The following ANAPC1 variants were observed in gnomAD, a reference collection of about 807,000 sequenced individuals.
ANAPC1 encodes the protein anaphase promoting complex subunit 1.
A neutral mutation model predicts 208.0 loss-of-function variants in ANAPC1; 36 were observed. The ratio of observed to expected loss-of-function variants is 0.17; its 90% CI spans 0.13 to 0.23. ANAPC1 has a LOEUF of 0.23. Among genes scored for constraint, ANAPC1 ranks in the 10% least tolerant of loss-of-function variants. ANAPC1 has a pLI of 1.00. For missense variants in ANAPC1, 942 were observed against 2,011.6 expected (o/e 0.47, Z 10.17); for synonymous variants, 378 against 695.2 (o/e 0.54, Z 7.18).
chr2:111,804,756 T>A (rs1678600568), intron 30 of ANAPC1, among the ~76,000 whole-genome samples: 3 of 142,212 alleles, frequency 2.1e-5, no homozygotes, highest in Non-Finnish European at 4.6e-5. Context: ...GATCCGCCCA[T>A]CTCAGCCTCC....
chr2:111,833,737 G>C (rs995773465), intron 19 of ANAPC1, among the ~76,000 whole-genome samples: 1 of 141,234 alleles, frequency 7.1e-6, no homozygotes, highest in African/African-American at 2.7e-5. Context: ...TTTTTTCAGA[G>C]AGCCATGATT....
At chr2:111,797,818 C>T (rs1204572162) in intron 34 of ANAPC1, among the ~76,000 whole-genome samples, 1 of 113,098 alleles carries the variant, frequency 8.8e-6, no homozygotes, top group Non-Finnish European at 1.8e-5. Flanking sequence ...AATTTTCTTT[C>T]TAAAAATCAG....
At chr2:111,845,484 C>T (rs1681002691) in intron 16 of ANAPC1, among the ~76,000 whole-genome samples, 1 of 152,080 alleles carries the variant, frequency 6.6e-6, no homozygotes, top group African/African-American at 2.4e-5. Flanking sequence ...AGTGTAAACC[C>T]AATGCTGCAT....
At chr2:111,772,755 T>C (rs1175772679) in intron 46 of ANAPC1, among the ~76,000 whole-genome samples, 1 of 152,166 alleles carries the variant, frequency 6.6e-6, no homozygotes, top group African/African-American at 2.4e-5. Flanking sequence ...GTGGTCACTG[T>C]GGTTGTCTCC....
intron 14 of ANAPC1, among the ~76,000 whole-genome samples, chr2:111,849,337 A>G (rs1681265493): frequency 6.6e-6 from 1 of 151,924 alleles, no homozygotes; most frequent in South Asian, 2.1e-4. Flanking sequence ...ATTATAAAAG[A>G]AATTCTTCCA....
chr2:111,793,377 CA>C (rs2104533162), intron 37 of ANAPC1, among the ~76,000 whole-genome samples: 1 of 150,122 alleles, frequency 6.7e-6, no homozygotes, highest in South Asian at 2.1e-4. Context: ...ATGTGTGTGT[CA>C]CCACACCTGG....
At position 111,836,525 on chromosome 2, in the gene ANAPC1, G is replaced by A. The variant is rs530144402; in HGVS notation, c.2116-1653C>T. ...TAGCCAGGCGTGATGGAGCATACCG[G>A]TAGTCCTAGCTACTTGGAGGCTGAG... On this transcript the variant is annotated intron_variant, in intron 18 of 47. Coordinates refer to ENST00000341068, the MANE Select transcript of ANAPC1 (RefSeq NM_022662.4). 1.6e-3 allele frequency among the ~76,000 whole-genome samples: 234 copies of A among 148,626 alleles called. 1 individual carries two copies. Among genetic ancestry groups the A allele is most frequent in the African/African-American group, 5.8e-3 (225 of 38,716 alleles).
Position 111,880,773 on chromosome 2 carries a change from T to C in ANAPC1, c.53A>G (p.Gln18Arg). 1 of 1,613,950 alleles carries C rather than the reference T, an allele frequency of 6.2e-7. No homozygotes were observed. The highest frequency in any genetic ancestry group is 8.5e-7 in the Non-Finnish European group (1 of 1,179,872). ...RTTMIAARDL[Q>R]EFVPFGRDHC... ...GTCTCGACCAAAAGGAACAAATTCC[T>C]GCAAATCCCTTGCTGCAATCATCGT... is the stretch of plus-strand genomic sequence containing the variant. The change falls in exon 2 of 48, where the codon CAG becomes CGG. Residue 18 changes from glutamine (Q) to arginine (R), a missense_variant. Coordinates refer to ENST00000341068, the MANE Select transcript of ANAPC1 (RefSeq NM_022662.4).
At chr2:111,873,844 TATG>T (rs1682890316) in intron 3 of ANAPC1, among the ~76,000 whole-genome samples, 180 bp from the exon 4 acceptor site, 1 of 151,780 alleles carries the variant, frequency 6.6e-6, no homozygotes, top group Admixed American at 6.6e-5. Flanking sequence ...AAATGATAAA[TATG>T]ATAAGGAAAG....
At chr2:111,775,686 C>A (rs1457265893) in intron 46 of ANAPC1, among the ~76,000 whole-genome samples, 1 of 151,904 alleles carries the variant, frequency 6.6e-6, no homozygotes, top group African/African-American at 2.4e-5. Flanking sequence ...TAATCACTGC[C>A]AAAGTTCCAT....
intron 35 of ANAPC1, 122 bp from the exon 36 acceptor site, chr2:111,794,445 G>A (rs1678049283): frequency 3.0e-6 from 2 of 659,466 alleles, no homozygotes; most frequent in East Asian, 6.4e-5. Context: ...ATGATGAAGT[G>A]CCCTCAGTCA....
chr2:111,823,000 CTTTTTTTTTTTTTTT>C (rs58815496), intron 24 of ANAPC1, among the ~76,000 whole-genome samples: 5 of 61,312 alleles, frequency 8.2e-5, no homozygotes, highest in Admixed American at 7.0e-4. Flanking sequence ...TCTTTTTATT[CTTTTTTTTTTTTTTT>C]TTTTTTTTTT....
intron 3 of ANAPC1, among the ~76,000 whole-genome samples, 172 bp downstream of exon 3, chr2:111,878,638 A>T (rs1683139594): frequency 6.6e-6 from 1 of 152,252 alleles, no homozygotes; most frequent in African/African-American, 2.4e-5. Flanking sequence ...AAATAAAATT[A>T]AATTTTTATT....
At chr2:111,868,817 G>A (rs1682577882) in intron 6 of ANAPC1, among the ~76,000 whole-genome samples, 1 of 152,214 alleles carries the variant, frequency 6.6e-6, no homozygotes, top group Admixed American at 6.5e-5. Flanking sequence ...ACAGGCGTGA[G>A]CCACCACACC....
intron 17 of ANAPC1, among the ~76,000 whole-genome samples, chr2:111,840,715 T>A (rs1270443706): frequency 6.6e-6 from 1 of 152,072 alleles, no homozygotes; most frequent in Non-Finnish European, 1.5e-5. Context: ...ACAGAAAAAT[T>A]GGGGATAATG....
intron 46 of ANAPC1, among the ~76,000 whole-genome samples, chr2:111,773,940 G>A (rs1272249702): frequency 6.7e-6 from 1 of 150,094 alleles, no homozygotes; most frequent in African/African-American, 2.4e-5. Context: ...TGTTACATCA[G>A]TTTATTCTTT....
rs797002687 is a variant in ANAPC1, at chr2:111,858,624, T to C, written c.1263-223A>G. Among the ~76,000 whole-genome samples, 45 of 152,218 alleles carry C rather than the reference T, an allele frequency of 3.0e-4. 1 individual carries two copies. The highest frequency in any genetic ancestry group is 8.9e-4 in the African/African-American group (37 of 41,540). ...AAATACAAAATAAATTAGCCAGGCA[T>C]GATGGCAGGCGCCTGTGGTCGCAGC... On this transcript the variant is annotated intron_variant, in intron 10 of 47. Transcript: ENST00000341068.
chr2:111,877,767 G>C (rs1175132141), intron 3 of ANAPC1, among the ~76,000 whole-genome samples: 5 of 152,108 alleles, frequency 3.3e-5, no homozygotes, highest in Non-Finnish European at 7.4e-5. Flanking sequence ...CTGGGTGACA[G>C]AGCAAGACTC....
At chr2:111,833,174 A>G in intron 20 of ANAPC1, 46 bp downstream of exon 20, 6 of 1,538,422 alleles carry the variant, frequency 3.9e-6, no homozygotes, top group South Asian at 1.2e-5. Context: ...ATACAAGGAA[A>G]TATCACTACA....
Sources: allele counts gnomAD v4.1 joint callset (sites outside exome capture counted in the v4.1 genomes callset), GRCh38; gene constraint gnomAD v4.1.1; transcripts MANE v1.5; gene names NCBI Gene and HGNC (gene_info 2026-07-23, HGNC 2026-07-21).